Variants in NLGN1 observed in about 807,000 individuals in gnomAD.
NLGN1 encodes neuroligin 1.
Under a neutral mutation model 65.5 loss-of-function variants are expected in NLGN1, and 12 were observed. That is an observed-to-expected ratio of 0.18 (90% confidence interval 0.12 to 0.30). The LOEUF is 0.30. Among genes scored for constraint, NLGN1 ranks in the 10% least tolerant of loss-of-function variants. The pLI is 1.00. For missense variants in NLGN1, 750 were observed against 1,007.1 expected (o/e 0.74, Z 3.46); for synonymous variants, 350 against 359.5 (o/e 0.97, Z 0.30).
At chr3:173,958,215 C>T (rs1400828371) in intron 4 of NLGN1, among the ~76,000 whole-genome samples, 2 of 152,234 alleles carry the variant, frequency 1.3e-5, no homozygotes, top group East Asian at 1.9e-4. Context: ...CTGTTACTTA[C>T]AGCTCTTTTA....
chr3:174,252,216 T>C (rs768225632), intron 4 of NLGN1, among the ~76,000 whole-genome samples: 1 of 152,016 alleles, frequency 6.6e-6, no homozygotes, highest in Non-Finnish European at 1.5e-5. Flanking sequence ...CCTGGAAAAA[T>C]ACCCCTACTT....
chr3:174,031,644 T>G (rs1213683246), intron 4 of NLGN1, among the ~76,000 whole-genome samples: 2 of 151,896 alleles, frequency 1.3e-5, no homozygotes, highest in African/African-American at 4.8e-5. Flanking sequence ...TGTAAATCAA[T>G]CAATAAAAAA....
At chr3:173,790,772 A>G (rs1712542470) in intron 3 of NLGN1, among the ~76,000 whole-genome samples, 1 of 152,118 alleles carries the variant, frequency 6.6e-6, no homozygotes, top group South Asian at 2.1e-4. Context: ...ATATTTAACT[A>G]AACTTCTCTA....
At chr3:173,452,136 A>G (rs138031659) in intron 2 of NLGN1, among the ~76,000 whole-genome samples, 29,092 of 151,492 alleles carry the variant, frequency 0.19, 3,022 homozygotes, top group African/African-American at 0.27. Flanking sequence ...GAAATCACCC[A>G]TCTTCTGCGT....
intron 2 of NLGN1, among the ~76,000 whole-genome samples, chr3:173,498,251 G>C (rs1377614988): frequency 6.6e-6 from 1 of 150,402 alleles, no homozygotes; most frequent in Non-Finnish European, 1.5e-5. Context: ...TCCCCTTCCT[G>C]TGTCCATGTG....
intron 3 of NLGN1, among the ~76,000 whole-genome samples, chr3:173,657,399 T>G (rs74794901): frequency 0.028 from 4,271 of 152,088 alleles, 89 homozygotes; most frequent in Middle Eastern, 0.045. Context: ...GCTAAGGATT[T>G]GCTTCTTGTC....
intron 3 of NLGN1, among the ~76,000 whole-genome samples, chr3:173,733,476 T>G (rs1252529839): frequency 6.6e-6 from 1 of 152,102 alleles, no homozygotes; most frequent in African/African-American, 2.4e-5. Context: ...GCAGCTGTAC[T>G]GTCAGGGAGG....
chr3:173,769,119 CAGA>C (rs1779204971), intron 3 of NLGN1, among the ~76,000 whole-genome samples: 1 of 152,066 alleles, frequency 6.6e-6, no homozygotes. Flanking sequence ...CTTCAGGGCC[CAGA>C]AAGTCCAAAT....
intron 3 of NLGN1, among the ~76,000 whole-genome samples, chr3:173,615,739 A>G (rs1364107571): frequency 4.0e-4 from 40 of 99,394 alleles, no homozygotes; most frequent in African/African-American, 1.5e-3. Flanking sequence ...CTTTCCATCC[A>G]TCTGTTTTTT....
intron 4 of NLGN1, among the ~76,000 whole-genome samples, chr3:174,097,060 A>T (rs1286327562): frequency 6.6e-6 from 1 of 151,806 alleles, no homozygotes; most frequent in African/African-American, 2.4e-5. Flanking sequence ...CCATTTATTC[A>T]CCTTGGGAAC....
rs1737745167 is a variant in NLGN1 at position 173,903,431 on chromosome 3, A to C, written c.646+95599A>C. Among the ~76,000 whole-genome samples the C allele has an allele frequency of 2.0e-5, 3 of 152,270 alleles. No homozygotes were observed. The South Asian group carries it at 6.2e-4, about 32-fold the overall frequency. On this transcript the variant is annotated intron_variant, in intron 4 of 6. Transcript: ENST00000457714. The stretch of plus-strand genomic sequence containing the variant: ...ATGTGTTATGTTGAAGAGTTTTTGC[A>C]TGGTAAAGATAATTTAATCTTTGTA...
intron 4 of NLGN1, among the ~76,000 whole-genome samples, chr3:173,956,319 G>A (rs2152337954): frequency 6.6e-6 from 1 of 152,268 alleles, no homozygotes; most frequent in South Asian, 2.1e-4. Context: ...CTTGTGAACA[G>A]AGGAAATAAG....
rs369946966 is a variant in NLGN1, at chr3:173,434,698, A to G, written c.-389-312A>G. Among the ~76,000 whole-genome samples the G allele has an allele frequency of 8.5e-5, 13 of 152,340 alleles. 1 individual carries two copies. The highest frequency in any genetic ancestry group is 8.3e-4 in the South Asian group (4 of 4,828). On this transcript the variant is annotated intron_variant, in intron 1 of 6. Coordinates refer to ENST00000457714, the Ensembl canonical transcript of NLGN1. ...GAGGTTCTTAGTAAAATGACACCCT[A>G]TAAAATAGTCTAAAAGGAGTTATAA...
chr3:173,594,713 C>T (rs1377144986), intron 2 of NLGN1, among the ~76,000 whole-genome samples: 4 of 152,208 alleles, frequency 2.6e-5, no homozygotes, highest in Admixed American at 2.0e-4. Flanking sequence ...CATGAGTGCC[C>T]CGCTGCTGCA....
At chr3:173,410,339 C>T (rs1363911408) in intron 1 of NLGN1, among the ~76,000 whole-genome samples, 1 of 152,214 alleles carries the variant, frequency 6.6e-6, no homozygotes, top group Non-Finnish European at 1.5e-5. Context: ...ACTGTGCTCA[C>T]CTACTAATAG....
intron 4 of NLGN1, among the ~76,000 whole-genome samples, chr3:174,231,029 C>A (rs1318535565): frequency 6.6e-6 from 1 of 152,046 alleles, no homozygotes; most frequent in East Asian, 1.9e-4. Flanking sequence ...GTCCTTGTTT[C>A]AAAGTTAAGC....
chr3:174,257,902 TTATA>T (rs146056725), intron 4 of NLGN1, among the ~76,000 whole-genome samples: 3 of 147,762 alleles, frequency 2.0e-5, no homozygotes, highest in African/African-American at 7.4e-5. Context: ...TTATATCTCC[TTATA>T]TATATATATA....
At chr3:174,054,299 C>G (rs1238110065) in intron 4 of NLGN1, among the ~76,000 whole-genome samples, 1 of 151,956 alleles carries the variant, frequency 6.6e-6, no homozygotes, top group Non-Finnish European at 1.5e-5. Flanking sequence ...TGCTATGCAG[C>G]AAATTACACA....
chr3:173,675,228 C>G lies in NLGN1; in HGVS notation c.493+70137C>G, dbSNP rs200505742. Among the ~76,000 whole-genome samples the G allele has an allele frequency of 1.8e-4, 27 of 152,160 alleles. No homozygotes were observed. In the East Asian group the frequency reaches 5.2e-3, roughly 29 times the overall value. On this transcript the variant is annotated intron_variant, in intron 3 of 6. Coordinates refer to ENST00000457714, the Ensembl canonical transcript of NLGN1. ...TGCACTGATGTCTATGTGGATCTTC[C>G]TTAATGAAATGTTTTTATTTAACAT...
Sources: allele counts gnomAD v4.1 joint callset (sites outside exome capture counted in the v4.1 genomes callset), GRCh38; gene constraint gnomAD v4.1.1; transcripts MANE v1.5; gene names NCBI Gene and HGNC (gene_info 2026-07-23, HGNC 2026-07-21).